The following ERN1 variants were observed in gnomAD, a reference collection of about 807,000 sequenced individuals.
ERN1 encodes the protein serine/threonine-protein kinase/endoribonuclease IRE1.
ERN1 carries 39 observed loss-of-function variants against 113.1 expected under a neutral mutation model. The ratio of observed to expected loss-of-function variants is 0.34; its 90% CI spans 0.27 to 0.45. ERN1 has a LOEUF of 0.45. Ranked by LOEUF, ERN1 falls within the 20% of genes least tolerant of loss-of-function variation. The probability of loss-of-function intolerance (pLI) is 1.00; values close to 1 mark genes in which losing one functional copy is unlikely to be tolerated. For missense variants in ERN1, 976 were observed against 1,274.8 expected, an observed-to-expected ratio of 0.77 and a Z score of 3.57; for synonymous variants, 507 against 515.9, an observed-to-expected ratio of 0.98 and a Z score of 0.23.
intron 1 of ERN1, among the ~76,000 whole-genome samples, chr17:64,126,286 T>C (rs1335016671): frequency 6.6e-6 from 1 of 152,200 alleles, no homozygotes; most frequent in East Asian, 1.9e-4. Flanking sequence ...AGGGAGACAT[T>C]TGATTATAAA....
At chr17:64,108,273 T>C (rs900855844) in intron 1 of ERN1, among the ~76,000 whole-genome samples, 1 of 152,034 alleles carries the variant, frequency 6.6e-6, no homozygotes. Context: ...AATTTCATAA[T>C]AGGTGAATAC....
At chr17:64,080,831 C>T in intron 2 of ERN1, 23 bp from the exon 3 acceptor site, 8 of 1,605,580 alleles carry the variant, frequency 5.0e-6, no homozygotes, top group Non-Finnish European at 6.8e-6. Flanking sequence ...ACAACAAAGC[C>T]ATCATCAGAA....
intron 6 of ERN1, among the ~76,000 whole-genome samples, chr17:64,071,059 A>G (rs916084953): frequency 9.9e-5 from 15 of 152,228 alleles, no homozygotes; most frequent in African/African-American, 3.6e-4. Flanking sequence ...TGCAGTGCCA[A>G]GTGTTAAGAA....
At chr17:64,096,571 C>G (rs775721637) in intron 2 of ERN1, among the ~76,000 whole-genome samples, 1 of 152,168 alleles carries the variant, frequency 6.6e-6, no homozygotes, top group African/African-American at 2.4e-5. Flanking sequence ...CCTGCTCCCC[C>G]GGTCCATGGA....
At chr17:64,060,887 G>T (rs1913033166) in intron 10 of ERN1, among the ~76,000 whole-genome samples, 1 of 152,196 alleles carries the variant, frequency 6.6e-6, no homozygotes, top group South Asian at 2.1e-4. Flanking sequence ...GGGGCTGCAT[G>T]GGCCCGATCC....
At chr17:64,071,569 T>C (rs1913418081) in intron 6 of ERN1, among the ~76,000 whole-genome samples, 1 of 152,066 alleles carries the variant, frequency 6.6e-6, no homozygotes, top group African/African-American at 2.4e-5. Context: ...TACAGGCACA[T>C]GCCACCACAC....
At chr17:64,116,933 T>G (rs1455630684) in intron 1 of ERN1, among the ~76,000 whole-genome samples, 1 of 141,880 alleles carries the variant, frequency 7.0e-6, no homozygotes, top group Non-Finnish European at 1.5e-5. Flanking sequence ...TGAAACCCTG[T>G]CTTTACTAAA....
intron 1 of ERN1, among the ~76,000 whole-genome samples, chr17:64,109,477 G>A (rs1914616697): frequency 6.6e-6 from 1 of 152,174 alleles, no homozygotes; most frequent in African/African-American, 2.4e-5. Flanking sequence ...CTGCCAGCCA[G>A]GACCCCCATT....
intron 1 of ERN1, among the ~76,000 whole-genome samples, chr17:64,124,389 T>C (rs1915026466): frequency 6.6e-6 from 1 of 152,242 alleles, no homozygotes; most frequent in Non-Finnish European, 1.5e-5. Context: ...TTTGGCTCTG[T>C]GTCCCCACCC....
chr17:64,086,549 T>C (rs891383339), intron 2 of ERN1, among the ~76,000 whole-genome samples: 2 of 152,180 alleles, frequency 1.3e-5, no homozygotes, highest in Non-Finnish European at 2.9e-5. Flanking sequence ...TTTTATTTTC[T>C]TGGCTGGTGT....
In ERN1 at chr17:64,108,369, C is replaced by T. The variant is rs116693583; in HGVS notation, c.55-10128G>A. 4.6e-3 allele frequency among the ~76,000 whole-genome samples: 707 copies of T among 152,230 alleles called. 4 individuals carry two copies. Among genetic ancestry groups the T allele is most frequent in the African/African-American group, 0.016 (668 of 41,520 alleles). ...TCTGTTTATGTTCATGGTTGCTCTG[C>T]CATCAACTTACATTGCCATCATTGG... On this transcript the variant is annotated intron_variant, in intron 1 of 21. Coordinates refer to ENST00000433197, the MANE Select transcript of ERN1 (RefSeq NM_001433.5).
intron 1 of ERN1, among the ~76,000 whole-genome samples, chr17:64,121,951 C>G (rs945043872): frequency 6.6e-6 from 1 of 151,920 alleles, no homozygotes; most frequent in Non-Finnish European, 1.5e-5. Flanking sequence ...TGATTCTTAA[C>G]GGAGGAAAAA....
intron 1 of ERN1, among the ~76,000 whole-genome samples, chr17:64,108,828 A>C (rs1914598368): frequency 6.6e-6 from 1 of 152,156 alleles, no homozygotes; most frequent in African/African-American, 2.4e-5. Flanking sequence ...TAAACCTACT[A>C]TTAAGAAGTC....
In ERN1 at chr17:64,044,772, T is replaced by A. The variant is rs746595466; in HGVS notation, c.2721+88A>T. 38 of 939,082 alleles carry A rather than the reference T, an allele frequency of 4.0e-5. No individual in the cohort carries two copies. Among genetic ancestry groups the A allele is most frequent in the Non-Finnish European group, 6.4e-5 (38 of 595,444 alleles). 58.2% of individuals were successfully genotyped at this position (939,082 alleles called of 1,614,324 possible). On this transcript the variant is annotated intron_variant, in intron 21 of 21. Transcript: ENST00000433197. The surrounding 1 kb of genome is among the most constrained non-coding windows in gnomAD (Gnocchi z 4.1). ...TGAGAGATGAGAATGCCAGTACAGA[T>A]AAAAGATTTATAAAGAATGGATGAA...
At chr17:64,129,877 G>C (rs1226615229) in intron 1 of ERN1, 99 bp downstream of exon 1, 3 of 1,149,112 alleles carry the variant, frequency 2.6e-6, no homozygotes, top group Admixed American at 4.2e-5. Flanking sequence ...CCGCCGTCGC[G>C]CTCCCAGCTC....
At chr17:64,065,786 A>G (rs1913204247) in intron 8 of ERN1, among the ~76,000 whole-genome samples, 1 of 152,124 alleles carries the variant, frequency 6.6e-6, no homozygotes, top group African/African-American at 2.4e-5. Context: ...TGAGAGCAAA[A>G]GGGATGCATA....
At chr17:64,094,964 C>T (rs1666168604) in intron 2 of ERN1, among the ~76,000 whole-genome samples, 1 of 152,156 alleles carries the variant, frequency 6.6e-6, no homozygotes, top group South Asian at 2.1e-4. Flanking sequence ...CTATATTTAA[C>T]AATTTAGAAA....
Position 64,063,947 on chromosome 17 carries a change from C to T in ERN1, c.1087+39G>A, listed in dbSNP as rs371157595. On this transcript the variant is annotated intron_variant, in intron 10 of 21. Transcript: ENST00000433197. This position sits in a 1 kb window ranked among gnomAD's most constrained non-coding sequence, Gnocchi z 5.1. ...GGCGGTCGCCCACCAGGAGGCAGCACGCTGTCACCTCAGGCTACTGTGGGA... is the reference window on the plus strand; with the variant it reads ...GGCGGTCGCCCACCAGGAGGCAGCATGCTGTCACCTCAGGCTACTGTGGGA... 255 of 1,600,432 alleles carry T rather than the reference C, an allele frequency of 1.6e-4. 1 individual carries two copies. In the African/African-American group the frequency reaches 2.0e-3, roughly 13 times the overall value.
chr17:64,054,263 G>A lies in ERN1; in HGVS notation c.1940C>T (p.Ala647Val). The change falls in exon 15 of 22, where the codon GCC becomes GTC. Residue 647 changes from alanine to valine, a missense_variant. By Grantham distance (64) the Ala-to-Val change is moderately conservative. This residue lies in a region of ERN1 where 297 missense variants were observed against 457.8 expected (regional missense o/e 0.65). Coordinates refer to ENST00000433197, the MANE Select transcript of ERN1 (RefSeq NM_001433.5). This position sits in a 1 kb window ranked among gnomAD's most constrained non-coding sequence, Gnocchi z 4.9. ...AAATAAATCCACCTCTTGCAGGGTG[G>A]CTGCACACAGCTCGATGGCAATGTA... ...FQYIAIELCAATLQEYVEQKD... is the reference protein window; with the variant it reads ...FQYIAIELCAVTLQEYVEQKD... 6.2e-7 allele frequency: 1 copy of A among 1,612,316 alleles called. No individual in the cohort carries two copies. The highest frequency in any genetic ancestry group is 1.1e-5 in the South Asian group (1 of 90,890).
Sources: allele counts gnomAD v4.1 joint callset (sites outside exome capture counted in the v4.1 genomes callset), GRCh38; gene constraint gnomAD v4.1.1; regional missense constraint gnomAD v4.1.1; non-coding constraint Gnocchi (gnomAD v3.1); transcripts MANE v1.5; gene names NCBI Gene and HGNC (gene_info 2026-07-23, HGNC 2026-07-21).